The following ACTR3C variants were observed in gnomAD, a reference collection of about 807,000 sequenced individuals.
ACTR3C encodes actin-related protein 3C.
Under a neutral mutation model 26.3 loss-of-function variants are expected in ACTR3C, and 18 were observed. The ratio of observed to expected loss-of-function variants is 0.68; its 90% CI spans 0.47 to 1.01. The LOEUF (loss-of-function observed/expected upper bound fraction) is 1.01, where lower values mean the gene tolerates loss of function less well. Among genes scored for constraint, ACTR3C ranks in the 50% least tolerant of loss-of-function variants. ACTR3C has a pLI of 0.00. For missense variants in ACTR3C, 184 were observed against 250.7 expected, an observed-to-expected ratio of 0.73 and a Z score of 1.80; for synonymous variants, 55 against 94.5, an observed-to-expected ratio of 0.58 and a Z score of 2.42.
At chr7:150,148,658 A>G in the ACTR3C span, among the ~76,000 whole-genome samples, 1 of 152,162 alleles carries the variant, frequency 6.6e-6, no homozygotes, top group Non-Finnish European at 1.5e-5. Context: ...TTACATTTTT[A>G]CAATTCATAA....
the ACTR3C span, among the ~76,000 whole-genome samples, chr7:150,180,101 C>A: frequency 6.6e-6 from 1 of 151,056 alleles, no homozygotes; most frequent in East Asian, 1.9e-4. Context: ...GTTAGGAGAT[C>A]AAGATCATCC....
At chr7:150,043,814 AGAGTAT>A in the ACTR3C span, among the ~76,000 whole-genome samples, 1 of 152,380 alleles carries the variant, frequency 6.6e-6, no homozygotes, top group Admixed American at 6.5e-5. Context: ...GTAATAGAGT[AGAGTAT>A]ATAAACATAT....
the ACTR3C span, among the ~76,000 whole-genome samples, chr7:150,039,044 G>C: frequency 1.4e-5 from 2 of 138,150 alleles, no homozygotes; most frequent in South Asian, 2.3e-4. Context: ...CCCACGTAAG[G>C]TACCTGCTGT....
At chr7:150,225,004 AGTGTGTGTGTGTGTGTGT>A in the ACTR3C span, among the ~76,000 whole-genome samples, 2 of 136,188 alleles carry the variant, frequency 1.5e-5, no homozygotes, top group African/African-American at 2.7e-5. Flanking sequence ...CACCCCCATT[AGTGTGTGTGTGTGTGTGT>A]GTGTGTGTGT....
At chr7:149,993,080 CCTT>C in the ACTR3C span, among the ~76,000 whole-genome samples, 1 of 150,624 alleles carries the variant, frequency 6.6e-6, no homozygotes, top group African/African-American at 2.4e-5. Context: ...GCTTATCTTA[CCTT>C]CTTCTGCCTG....
chr7:149,983,358 A>G, the ACTR3C span, among the ~76,000 whole-genome samples: 1,435 of 148,712 alleles, frequency 9.6e-3, 9 homozygotes, highest in Non-Finnish European at 0.015. Flanking sequence ...TGAAATCAAA[A>G]CCACAAAGAG....
At chr7:149,959,234 C>T in the ACTR3C span, among the ~76,000 whole-genome samples, 9,561 of 147,948 alleles carry the variant, frequency 0.065, 919 homozygotes, top group African/African-American at 0.21. Context: ...CCCCCACCCC[C>T]ACAATCTCCT....
the ACTR3C span, among the ~76,000 whole-genome samples, chr7:150,100,209 C>T: frequency 7.3e-5 from 11 of 151,530 alleles, no homozygotes; most frequent in African/African-American, 2.7e-4. Flanking sequence ...AAGCATCCCT[C>T]AGTGTGGGCT....
At chr7:149,915,526 G>GTTTTTTGT in the ACTR3C span, among the ~76,000 whole-genome samples, 2 of 143,240 alleles carry the variant, frequency 1.4e-5, no homozygotes, top group South Asian at 4.6e-4. Context: ...TGTTTTTTTT[G>GTTTTTTGT]TTTTTTGTTT....
the ACTR3C span, among the ~76,000 whole-genome samples, chr7:149,920,554 C>T: frequency 5.3e-4 from 81 of 152,118 alleles, no homozygotes; most frequent in East Asian, 0.015. Context: ...CTCAAGCAAT[C>T]CTCCTGCCTT....
the ACTR3C span, among the ~76,000 whole-genome samples, chr7:150,093,719 G>A: frequency 6.6e-6 from 1 of 150,696 alleles, no homozygotes; most frequent in South Asian, 2.1e-4. Context: ...GCAGCTGTAG[G>A]AGACAAAAAC....
chr7:150,097,312 C>A, the ACTR3C span, among the ~76,000 whole-genome samples: 11 of 151,810 alleles, frequency 7.2e-5, no homozygotes, highest in South Asian at 2.3e-3. Context: ...CCTCACTGTT[C>A]CAAACTAACA....
the ACTR3C span, among the ~76,000 whole-genome samples, chr7:150,173,415 G>A: frequency 6.8e-6 from 1 of 146,914 alleles, no homozygotes; most frequent in Non-Finnish European, 1.5e-5. Flanking sequence ...GGAGTAACTG[G>A]GACACAGGGT....
At chr7:150,240,595 C>T (rs1832125799), downstream of ACTR3C, among the ~76,000 whole-genome samples, 1 of 151,934 alleles carries the variant, frequency 6.6e-6, no homozygotes, top group Non-Finnish European at 1.5e-5. Flanking sequence ...AAAAAATTAT[C>T]TATAGAGGTG....
chr7:150,266,910 A>T (rs1337853370), intron 6 of ACTR3C, among the ~76,000 whole-genome samples: 1 of 152,260 alleles, frequency 6.6e-6, no homozygotes. Context: ...ACTCTTGTAC[A>T]CTGTTGGTGG....
the ACTR3C span, among the ~76,000 whole-genome samples, chr7:150,205,833 T>C: frequency 2.0e-5 from 3 of 151,656 alleles, no homozygotes; most frequent in East Asian, 5.8e-4. Context: ...TTTTTTTTTT[T>C]CTTACTTGTA....
chr7:149,904,680 AT>A, the ACTR3C span, among the ~76,000 whole-genome samples: 1 of 148,504 alleles, frequency 6.7e-6, no homozygotes, highest in Non-Finnish European at 1.5e-5. Context: ...TTGATGTCAA[AT>A]TTTTTCCCAA....
chr7:150,180,241 C>G, the ACTR3C span, among the ~76,000 whole-genome samples: 2 of 149,806 alleles, frequency 1.3e-5, no homozygotes, highest in African/African-American at 5.1e-5. Context: ...GGAGGCGGAG[C>G]TTGCAGTGAG....
the ACTR3C span, among the ~76,000 whole-genome samples, chr7:149,944,693 T>C: frequency 2.6e-5 from 4 of 151,892 alleles, no homozygotes; most frequent in Non-Finnish European, 4.4e-5. Context: ...ACCTGCTCTC[T>C]TCCATGTGGC....
Sources: gnomAD v4.1 joint callset for allele counts (sites outside exome capture counted in the v4.1 genomes callset) on GRCh38, gnomAD v4.1.1 for gene constraint, MANE v1.5 for transcripts, NCBI Gene and HGNC (gene_info 2026-07-23, HGNC 2026-07-21) for gene names.